The following ARHGAP15 variants were observed in gnomAD, a reference collection of about 807,000 sequenced individuals.
ARHGAP15 encodes rho GTPase-activating protein 15.
In ARHGAP15, 51 loss-of-function variants were observed where a neutral mutation model predicts 63.7. The observed-to-expected ratio is 0.80, with a 90% CI of 0.64 to 1.01. ARHGAP15 has a LOEUF of 1.01. ARHGAP15 is among the 50% of genes least tolerant of loss of function. The pLI is 0.00. For synonymous variants in ARHGAP15, 191 were observed against 193.8 expected (o/e 0.99, Z 0.12); for missense variants, 560 against 564.6 (o/e 0.99, Z 0.08).
At chr2:143,130,129 AAGGTTACTCTGAG>A (rs1688863364) in intron 1 of ARHGAP15, among the ~76,000 whole-genome samples, 1 of 152,226 alleles carries the variant, frequency 6.6e-6, no homozygotes, top group South Asian at 2.1e-4. Flanking sequence ...GATTTCATTG[AAGGTTACTCTGAG>A]AGGAGAGGCA....
intron 13 of ARHGAP15, among the ~76,000 whole-genome samples, chr2:143,753,614 C>T (rs892542445): frequency 6.6e-6 from 1 of 152,104 alleles, no homozygotes; most frequent in African/African-American, 2.4e-5. Context: ...AAATTATTTT[C>T]TATCTTTGAG....
At chr2:143,154,322 T>C (rs1376295170) in intron 1 of ARHGAP15, among the ~76,000 whole-genome samples, 1 of 151,960 alleles carries the variant, frequency 6.6e-6, no homozygotes, top group Admixed American at 6.6e-5. Flanking sequence ...TTTCCTCCTA[T>C]CAAAATATTT....
chr2:143,271,138 C>T (rs559640948), intron 6 of ARHGAP15, among the ~76,000 whole-genome samples: 1 of 152,252 alleles, frequency 6.6e-6, no homozygotes, highest in Non-Finnish European at 1.5e-5. Flanking sequence ...ATTAATTATG[C>T]TCTTTTCTTT....
At chr2:143,415,513 A>G (rs1209533269) in intron 6 of ARHGAP15, among the ~76,000 whole-genome samples, 1 of 152,216 alleles carries the variant, frequency 6.6e-6, no homozygotes, top group Non-Finnish European at 1.5e-5. Flanking sequence ...ATAGAAAAAA[A>G]AGTTTAACTT....
intron 2 of ARHGAP15, among the ~76,000 whole-genome samples, chr2:143,190,576 C>G (rs569426314): frequency 6.6e-6 from 1 of 152,142 alleles, no homozygotes. Context: ...AGTCTAGACT[C>G]TAGAAGCTTC....
intron 11 of ARHGAP15, among the ~76,000 whole-genome samples, chr2:143,606,493 G>A (rs905913728): frequency 9.2e-5 from 14 of 151,996 alleles, no homozygotes; most frequent in Admixed American, 7.9e-4. Context: ...CTAGCTAATC[G>A]CCTTTTTAAC....
intron 10 of ARHGAP15, among the ~76,000 whole-genome samples, chr2:143,523,487 T>C (rs1694141727): frequency 6.6e-6 from 1 of 152,050 alleles, no homozygotes; most frequent in Non-Finnish European, 1.5e-5. Context: ...ATATAGGGAG[T>C]CCTTTGGTGT....
At chr2:143,448,507 T>C (rs5025201) in intron 8 of ARHGAP15, among the ~76,000 whole-genome samples, 1 of 151,850 alleles carries the variant, frequency 6.6e-6, no homozygotes, top group Non-Finnish European at 1.5e-5. Context: ...ATGTACCATA[T>C]GCTGCAGGTC....
At chr2:143,230,666 G>C (rs186066984) in intron 5 of ARHGAP15, among the ~76,000 whole-genome samples, 1 of 152,164 alleles carries the variant, frequency 6.6e-6, no homozygotes, top group Admixed American at 6.5e-5. Context: ...GAATTGACTT[G>C]CTAGTCAACT....
intron 4 of ARHGAP15, among the ~76,000 whole-genome samples, chr2:143,218,682 T>C (rs1692868207): frequency 6.6e-6 from 1 of 152,208 alleles, no homozygotes. Flanking sequence ...CGTCTCTTAA[T>C]GATGGGCATA....
rs182104965 is a variant in ARHGAP15 at position 143,132,171 on chromosome 2, C to T, written c.-15+2705C>T. ...TTTTTACACTGTACAATAAATGCTA[C>T]ATAATTAGACTTTAAAATGCCCTTG... On this transcript the variant is annotated intron_variant, in intron 1 of 13. Transcript: ENST00000295095. 4.1e-4 allele frequency among the ~76,000 whole-genome samples: 63 copies of T among 152,278 alleles called. 1 individual carries two copies. The highest frequency in any genetic ancestry group is 1.4e-3 in the African/African-American group (58 of 41,544).
chr2:143,138,442 G>A (rs979556896), intron 1 of ARHGAP15, among the ~76,000 whole-genome samples: 1 of 152,058 alleles, frequency 6.6e-6, no homozygotes, highest in Non-Finnish European at 1.5e-5. Context: ...TATTCATGAG[G>A]CCCTAGAGTC....
intron 6 of ARHGAP15, among the ~76,000 whole-genome samples, chr2:143,330,113 AAAAAAAAAAAAAAAAAAAC>A (rs1328764837): frequency 0.015 from 1,392 of 90,392 alleles, 150 homozygotes; most frequent in African/African-American, 0.052. Flanking sequence ...AAAAAAAAAA[AAAAAAAAAAAAAAAAAAAC>A]CAAAAACAAA....
intron 6 of ARHGAP15, among the ~76,000 whole-genome samples, chr2:143,321,757 C>T (rs532999114): frequency 4.6e-5 from 7 of 152,294 alleles, no homozygotes; most frequent in Admixed American, 2.0e-4. Flanking sequence ...AGTGTAATGG[C>T]ACTGTCACAG....
intron 11 of ARHGAP15, among the ~76,000 whole-genome samples, chr2:143,563,069 C>T (rs1696093108): frequency 6.6e-6 from 1 of 152,146 alleles, no homozygotes; most frequent in African/African-American, 2.4e-5. Flanking sequence ...GGAAAAGCAC[C>T]AGATAAATGT....
At chr2:143,437,715 C>T (rs751937330) in intron 8 of ARHGAP15, among the ~76,000 whole-genome samples, 4 of 152,134 alleles carry the variant, frequency 2.6e-5, no homozygotes, top group Non-Finnish European at 5.9e-5. Context: ...GTTTGAGTCT[C>T]AACCTCCTGA....
At chr2:143,567,506 C>G (rs531811221) in intron 11 of ARHGAP15, among the ~76,000 whole-genome samples, 55 of 152,316 alleles carry the variant, frequency 3.6e-4, no homozygotes, top group African/African-American at 1.3e-3. Flanking sequence ...CCAACCCTCA[C>G]CTTCCACCTC....
At chr2:143,631,881 A>G (rs1559091379) in intron 12 of ARHGAP15, among the ~76,000 whole-genome samples, 1 of 151,934 alleles carries the variant, frequency 6.6e-6, no homozygotes, top group Non-Finnish European at 1.5e-5. Flanking sequence ...ATTTTCTTCA[A>G]CATCTGTTCT....
chr2:143,760,015 C>T (rs1240968941), intron 13 of ARHGAP15, among the ~76,000 whole-genome samples: 1 of 151,978 alleles, frequency 6.6e-6, no homozygotes, highest in Non-Finnish European at 1.5e-5. Context: ...TTGTATATTG[C>T]TTAGTGTATG....
Sources: gnomAD v4.1 joint callset for allele counts (sites outside exome capture counted in the v4.1 genomes callset) on GRCh38, gnomAD v4.1.1 for gene constraint, MANE v1.5 for transcripts, NCBI Gene and HGNC (gene_info 2026-07-23, HGNC 2026-07-21) for gene names.